MDFIC2: variants seen among roughly 807,000 people sequenced by gnomAD.
MDFIC2 encodes the protein MyoD family inhibitor domain containing 2, also known as myoD family inhibitor domain-containing protein 2.
chr3:70,217,718 G>A (rs1429550334), intron 2 of MDFIC2, among the ~76,000 whole-genome samples: 2 of 152,152 alleles, frequency 1.3e-5, no homozygotes, highest in Non-Finnish European at 2.9e-5. Flanking sequence ...GAATTGGGCA[G>A]TTAAGGACAT....
chr3:70,262,463 T>C (rs1012864884), intron 2 of MDFIC2, among the ~76,000 whole-genome samples: 11 of 152,204 alleles, frequency 7.2e-5, no homozygotes, highest in African/African-American at 2.7e-4. Context: ...AGACCAGTTA[T>C]AGTAAATGCA....
At chr3:70,248,711 C>T (rs759933936) in intron 2 of MDFIC2, among the ~76,000 whole-genome samples, 6 of 152,006 alleles carry the variant, frequency 3.9e-5, no homozygotes, top group Non-Finnish European at 8.8e-5. Context: ...GACAGAATAA[C>T]CAGATTCAAG....
At position 70,209,570 on chromosome 3, in the gene MDFIC2, G is replaced by A. The variant is rs117265356; in HGVS notation, c.89-2780C>T. 6.7e-3 allele frequency among the ~76,000 whole-genome samples: 1,020 copies of A among 152,216 alleles called. 58 individuals carry two copies. In the East Asian group the frequency reaches 0.15, roughly 22 times the overall value. On this transcript the variant is annotated intron_variant, in intron 2 of 3. Coordinates refer to ENST00000567252, the MANE Select transcript of MDFIC2 (RefSeq NM_001364677.1). ...AATGAAGGTAACCAAGGCTTACAGA[G>A]TTTATTTAGGTAAATTGTCCAAGGC...
chr3:70,299,848 T>C (rs1232752637), intron 2 of MDFIC2, among the ~76,000 whole-genome samples: 1 of 152,114 alleles, frequency 6.6e-6, no homozygotes, highest in South Asian at 2.1e-4. Context: ...CTTTGTTTAA[T>C]AACATTCAGT....
chr3:70,246,320 C>T (rs1024133618), intron 2 of MDFIC2, among the ~76,000 whole-genome samples: 2 of 152,004 alleles, frequency 1.3e-5, no homozygotes, highest in African/African-American at 4.8e-5. Context: ...ACAGTTTGAA[C>T]GTAAGCTGGA....
intron 2 of MDFIC2, among the ~76,000 whole-genome samples, chr3:70,256,774 C>T (rs527975361): frequency 1.3e-5 from 2 of 152,266 alleles, no homozygotes; most frequent in East Asian, 1.9e-4. Flanking sequence ...TCATTTACTT[C>T]CAAGTTAAGA....
At chr3:70,232,404 AT>A (rs200752002) in intron 2 of MDFIC2, among the ~76,000 whole-genome samples, 29,300 of 144,906 alleles carry the variant, frequency 0.2, 2,974 homozygotes, top group Non-Finnish European at 0.24. Flanking sequence ...TGATGTTCCT[AT>A]TTTTTTTTTT....
At chr3:70,278,081 A>G (rs1241845618) in intron 2 of MDFIC2, among the ~76,000 whole-genome samples, 1 of 152,152 alleles carries the variant, frequency 6.6e-6, no homozygotes, top group Non-Finnish European at 1.5e-5. Flanking sequence ...CAACATAGAC[A>G]GCTCTCATCA....
intron 2 of MDFIC2, among the ~76,000 whole-genome samples, chr3:70,269,152 T>C (rs1488999831): frequency 6.6e-6 from 1 of 152,176 alleles, no homozygotes; most frequent in Non-Finnish European, 1.5e-5. Flanking sequence ...GATAAATAGG[T>C]ATTTTTAAAC....
At chr3:70,209,579 G>C (rs188019423) in intron 2 of MDFIC2, among the ~76,000 whole-genome samples, 1 of 152,204 alleles carries the variant, frequency 6.6e-6, no homozygotes, top group African/African-American at 2.4e-5. Context: ...AGTTTATTTA[G>C]GTAAATTGTC....
At chr3:70,214,500 G>T (rs17006856) in intron 2 of MDFIC2, among the ~76,000 whole-genome samples, 2,779 of 151,924 alleles carry the variant, frequency 0.018, 92 homozygotes, top group African/African-American at 0.062. Flanking sequence ...AAGGTGAAAA[G>T]GATTAAAGAG....
rs1433010813 is a variant in MDFIC2 at position 70,312,535 on chromosome 3, A to C, written c.-1+16T>G. 3 of 152,184 alleles carry C rather than the reference A, an allele frequency of 2.0e-5. No individual in the cohort carries two copies. The highest frequency in any genetic ancestry group is 6.5e-5 in the Admixed American group (1 of 15,286). The allele number at this position is 152,184 out of a possible 1,614,324, so 9.4% of individuals were successfully genotyped here. On this transcript the variant is annotated intron_variant, in intron 1 of 3. Transcript: ENST00000567252. Reference sequence around the variant, plus strand: ...CGCAATGAGCTCTGCTTGAATCAGCACTGCAAGGTACTCACCTGTGTGTTC... The same window carrying C: ...CGCAATGAGCTCTGCTTGAATCAGCCCTGCAAGGTACTCACCTGTGTGTTC...
intron 2 of MDFIC2, among the ~76,000 whole-genome samples, chr3:70,301,262 C>G (rs1702346039): frequency 1.3e-5 from 2 of 152,148 alleles, no homozygotes; most frequent in South Asian, 4.1e-4. Context: ...AAAACAAAAA[C>G]ACTTTTTAAA....
chr3:70,290,702 A>C (rs1702227864), intron 2 of MDFIC2, among the ~76,000 whole-genome samples: 1 of 152,034 alleles, frequency 6.6e-6, no homozygotes, highest in South Asian at 2.1e-4. Flanking sequence ...CTGTGCTAGC[A>C]ATCAGTGAGA....
Position 70,195,410 on chromosome 3 carries a change from T to A in MDFIC2, c.*1516A>T, listed in dbSNP as rs1701166433. On this transcript the variant is annotated 3_prime_UTR_variant, in exon 4 of 4. Transcript: ENST00000567252. ...GGTGCACTGCACTTCCAGGAGCAAG[T>A]TGAGAGTGGTTAAATGCCTTTTTAG... is the stretch of plus-strand genomic sequence containing the variant. 1.3e-5 allele frequency among the ~76,000 whole-genome samples: 2 copies of A among 152,140 alleles called. No homozygotes were observed. Among genetic ancestry groups the A allele is most frequent in the African/African-American group, 4.8e-5 (2 of 41,424 alleles).
chr3:70,263,509 T>A (rs564519442), intron 2 of MDFIC2, among the ~76,000 whole-genome samples: 215 of 152,276 alleles, frequency 1.4e-3, no homozygotes, highest in Non-Finnish European at 2.1e-3. Flanking sequence ...GGAATTCAAG[T>A]AATTTTCAGC....
At chr3:70,257,398 A>G (rs1701827518) in intron 2 of MDFIC2, among the ~76,000 whole-genome samples, 1 of 152,102 alleles carries the variant, frequency 6.6e-6, no homozygotes, top group South Asian at 2.1e-4. Context: ...TTTGCAGAGA[A>G]CCTGTTCATG....
chr3:70,280,021 A>C (rs1702065227), intron 2 of MDFIC2, among the ~76,000 whole-genome samples: 1 of 152,188 alleles, frequency 6.6e-6, no homozygotes, highest in Non-Finnish European at 1.5e-5. Flanking sequence ...TCTTGAGGCC[A>C]GAAGTGTGAA....
chr3:70,287,525 T>C (rs910023357), intron 2 of MDFIC2, among the ~76,000 whole-genome samples: 2 of 151,930 alleles, frequency 1.3e-5, no homozygotes, highest in African/African-American at 4.8e-5. Flanking sequence ...TTCTCTTTTT[T>C]GGTTGTGTCT....
Sources: allele counts gnomAD v4.1 joint callset (sites outside exome capture counted in the v4.1 genomes callset), GRCh38; gene constraint gnomAD v4.1.1; transcripts MANE v1.5; gene names NCBI Gene and HGNC (gene_info 2026-07-23, HGNC 2026-07-21).